The following SAMD12 variants were observed in gnomAD, a reference collection of about 807,000 sequenced individuals.
SAMD12 encodes sterile alpha motif domain-containing protein 12.
Under a neutral mutation model 15.0 loss-of-function variants are expected in SAMD12, and 9 were observed. The observed-to-expected ratio is 0.60, with a 90% CI of 0.36 to 1.05. The LOEUF (loss-of-function observed/expected upper bound fraction) is 1.05, where lower values mean the gene tolerates loss of function less well. Ranked by LOEUF, SAMD12 falls within the 50% of genes least tolerant of loss-of-function variation. The pLI is 0.01. For missense variants in SAMD12, 230 were observed against 234.2 expected, an observed-to-expected ratio of 0.98 and a Z score of 0.12; for synonymous variants, 86 against 90.1, an observed-to-expected ratio of 0.96 and a Z score of 0.25.
rs115681652 is a variant in SAMD12, at chr8:118,344,159, A to C, written c.433+35401T>G. ...GGAAGCCCTGTAGGTCTTTACATTC[A>C]TTGTTGACTTTCTGACTCACTGTTG... is the stretch of plus-strand genomic sequence containing the variant. On this transcript the variant is annotated intron_variant, in intron 4 of 4. Transcript: ENST00000409003. Among the ~76,000 whole-genome samples, 610 of 152,204 alleles carry C rather than the reference A, an allele frequency of 4.0e-3. 4 individuals are homozygous for C. The highest frequency in any genetic ancestry group is 0.013 in the African/African-American group (531 of 41,532).
intron 3 of SAMD12, among the ~76,000 whole-genome samples, chr8:118,384,724 C>T (rs1239746862): frequency 6.6e-6 from 1 of 152,202 alleles, no homozygotes; most frequent in African/African-American, 2.4e-5. Context: ...GAAGAATAAA[C>T]ACGACAGAAT....
intron 2 of SAMD12, among the ~76,000 whole-genome samples, chr8:118,579,640 G>C (rs1827234181): frequency 6.6e-6 from 1 of 152,134 alleles, no homozygotes; most frequent in Non-Finnish European, 1.5e-5. Context: ...TGGAGGAGAA[G>C]GGAGGTGGTT....
intron 4 of SAMD12, among the ~76,000 whole-genome samples, chr8:118,317,652 G>T (rs904508686): frequency 6.6e-6 from 1 of 152,166 alleles, no homozygotes; most frequent in Admixed American, 6.5e-5. Context: ...GGCTTCTGGG[G>T]TGCTAGTAAT....
chr8:118,457,207 A>ACT lies in SAMD12; in HGVS notation c.193-17248_193-17247dup, dbSNP rs199926147. On this transcript the variant is annotated intron_variant, in intron 2 of 3. Transcript: ENST00000314727. The stretch of plus-strand genomic sequence containing the variant: ...GCTGCCACTTCCACTACTGCTACTA[A>ACT]CTCTCTCTCTCTCTCTTTTTTTTTT... Among the ~76,000 whole-genome samples the ACT allele has an allele frequency of 4.5e-3, 645 of 142,886 alleles. 17 individuals are homozygous for ACT. Among genetic ancestry groups the ACT allele is most frequent in the Middle Eastern group, 0.011 (3 of 268 alleles). 93.7% of individuals were successfully genotyped at this position (142,886 alleles called of 152,430 possible).
At chr8:118,441,338 G>A (rs962696900) in intron 2 of SAMD12, among the ~76,000 whole-genome samples, 3 of 151,878 alleles carry the variant, frequency 2.0e-5, no homozygotes, top group African/African-American at 7.3e-5. Context: ...ACTATCCCTT[G>A]GGCCAATTTT....
intron 4 of SAMD12, among the ~76,000 whole-genome samples, chr8:118,256,056 G>A (rs1034414491): frequency 1.2e-4 from 19 of 152,182 alleles, no homozygotes; most frequent in African/African-American, 4.6e-4. Flanking sequence ...TCTAACTGGT[G>A]TGAGATGGTA....
At chr8:118,180,709 A>G in the SAMD12 span, among the ~76,000 whole-genome samples, 1 of 151,296 alleles carries the variant, frequency 6.6e-6, no homozygotes, top group Non-Finnish European at 1.5e-5. Flanking sequence ...AGTAGCTGGG[A>G]TTACTGGCAC....
chr8:118,512,194 C>A (rs1237447184), intron 2 of SAMD12, among the ~76,000 whole-genome samples: 1 of 152,152 alleles, frequency 6.6e-6, no homozygotes, highest in Non-Finnish European at 1.5e-5. Context: ...ACTTTGAAGA[C>A]TTTGGCGGAA....
At chr8:118,510,254 G>A (rs1261425295) in intron 2 of SAMD12, among the ~76,000 whole-genome samples, 1 of 150,138 alleles carries the variant, frequency 6.7e-6, no homozygotes, top group South Asian at 2.1e-4. Context: ...ACACATGCAT[G>A]CACACACACA....
At chr8:118,183,308 C>A in the SAMD12 span, among the ~76,000 whole-genome samples, 2 of 152,196 alleles carry the variant, frequency 1.3e-5, no homozygotes, top group African/African-American at 4.8e-5. Context: ...CTGTGCAATT[C>A]TTTAAAGTAG....
intron 4 of SAMD12, among the ~76,000 whole-genome samples, chr8:118,355,601 G>T (rs1818191700): frequency 6.6e-6 from 1 of 152,198 alleles, no homozygotes. Context: ...TTTGGAGGTA[G>T]TAGTGGTGAG....
chr8:118,166,821 A>G, the SAMD12 span, among the ~76,000 whole-genome samples: 77,717 of 152,048 alleles, frequency 0.51, 21,085 homozygotes, highest in Middle Eastern at 0.61. Flanking sequence ...CTCCTTGTGC[A>G]TGACTTAAGA....
chr8:118,577,183 C>T (rs1409621345), intron 2 of SAMD12, among the ~76,000 whole-genome samples: 1 of 152,114 alleles, frequency 6.6e-6, no homozygotes, highest in Admixed American at 6.6e-5. Context: ...GGGTACTCTA[C>T]TGGTTTCTCT....
chr8:118,224,551 C>A (rs573231848), intron 4 of SAMD12, among the ~76,000 whole-genome samples: 1 of 152,194 alleles, frequency 6.6e-6, no homozygotes, highest in African/African-American at 2.4e-5. Flanking sequence ...GCAGGAGTAC[C>A]TCTAAGATTC....
Position 118,527,235 on chromosome 8 carries a change from G to A in SAMD12, c.192+53480C>T, listed in dbSNP as rs1417608974. On this transcript the variant is annotated intron_variant, in intron 2 of 3. Transcript: ENST00000314727. ...AACCCTCCAAACTACTCTCCTCAGA[G>A]CTGCCAAAGCTTTCTTTCAAAATGC... Among the ~76,000 whole-genome samples the A allele has an allele frequency of 3.9e-5, 6 of 152,134 alleles. No individual in the cohort carries two copies. In the South Asian group the frequency reaches 1.2e-3, roughly 32 times the overall value.
At chr8:118,574,118 G>A (rs1406000100) in intron 2 of SAMD12, among the ~76,000 whole-genome samples, 1 of 152,182 alleles carries the variant, frequency 6.6e-6, no homozygotes, top group African/African-American at 2.4e-5. Flanking sequence ...AAATGACAAG[G>A]AACTAGCTGA....
intron 2 of SAMD12, among the ~76,000 whole-genome samples, chr8:118,572,344 T>A (rs1827034451): frequency 6.6e-6 from 1 of 152,164 alleles, no homozygotes. Flanking sequence ...ACTGTGGACT[T>A]TTGAGTTAAT....
chr8:118,163,524 G>A, the SAMD12 span, among the ~76,000 whole-genome samples: 11,684 of 152,224 alleles, frequency 0.077, 573 homozygotes, highest in Non-Finnish European at 0.11. Context: ...CTGGGGGAGC[G>A]TTAGGACATA....
At position 118,605,411 on chromosome 8, in the gene SAMD12, C is replaced by T. The variant is rs1351031793; in HGVS notation, c.13+16393G>A. On this transcript the variant is annotated intron_variant, in intron 1 of 3. Transcript: ENST00000314727. Reference sequence around the variant, plus strand: ...AGAATAGCTTATGTTACTCCAGGTACAGCTAGTCATTTATAGAAAGCCTAG... The same window carrying T: ...AGAATAGCTTATGTTACTCCAGGTATAGCTAGTCATTTATAGAAAGCCTAG... Among the ~76,000 whole-genome samples, 3 of 152,152 alleles carry T rather than the reference C, an allele frequency of 2.0e-5. No homozygotes were observed. In the East Asian group the frequency reaches 5.8e-4, roughly 29 times the overall value.
Sources: gnomAD v4.1 joint callset for allele counts (sites outside exome capture counted in the v4.1 genomes callset) on GRCh38, gnomAD v4.1.1 for gene constraint, MANE v1.5 for transcripts, NCBI Gene and HGNC (gene_info 2026-07-23, HGNC 2026-07-21) for gene names.